Variants in DYM observed in about 807,000 individuals in gnomAD.
DYM encodes dymeclin.
Under a neutral mutation model 93.1 loss-of-function variants are expected in DYM, and 78 were observed. That is an observed-to-expected ratio of 0.84 (90% CI 0.70 to 1.01). The LOEUF (loss-of-function observed/expected upper bound fraction) is 1.01. DYM is among the 50% of genes least tolerant of loss of function. The pLI, the probability that DYM is intolerant of heterozygous loss-of-function variation, is 0.00. For synonymous variants in DYM, 321 were observed against 319.7 expected, an observed-to-expected ratio of 1.00 and a Z score of -0.04; for missense variants, 789 against 845.0, an observed-to-expected ratio of 0.93 and a Z score of 0.82.
At chr18:49,403,230 G>C (rs2071058073) in intron 2 of DYM, among the ~76,000 whole-genome samples, 1 of 152,164 alleles carries the variant, frequency 6.6e-6, no homozygotes, top group Non-Finnish European at 1.5e-5. Context: ...TAATTTTGAA[G>C]TGGTTATACG....
chr18:49,151,666 A>G (rs2085831316), intron 15 of DYM, among the ~76,000 whole-genome samples: 1 of 152,220 alleles, frequency 6.6e-6, no homozygotes, highest in Non-Finnish European at 1.5e-5. Context: ...TACAAGCTAC[A>G]TTATTTCCAG....
intron 8 of DYM, among the ~76,000 whole-genome samples, chr18:49,292,596 A>ACAAAAC (rs201393641): frequency 1.5e-4 from 1 of 6,698 alleles, no homozygotes; most frequent in African/African-American, 2.1e-4. Flanking sequence ...CTGTTGGAAA[A>ACAAAAC]AAAAAAAAAA....
intron 2 of DYM, among the ~76,000 whole-genome samples, chr18:49,415,927 C>CAAA (rs80304487): frequency 2.4e-5 from 2 of 84,528 alleles, no homozygotes; most frequent in African/African-American, 4.5e-5. Context: ...AACTCTGACT[C>CAAA]AAAAAAAAAA....
At chr18:49,155,342 T>TC (rs1291395798) in intron 15 of DYM, among the ~76,000 whole-genome samples, 1 of 152,130 alleles carries the variant, frequency 6.6e-6, no homozygotes, top group African/African-American at 2.4e-5. Context: ...GCTCTCTTTT[T>TC]CCCCCCGTGC....
chr18:49,390,504 A>G (rs2069105794), intron 3 of DYM, among the ~76,000 whole-genome samples: 1 of 147,016 alleles, frequency 6.8e-6, no homozygotes, highest in Non-Finnish European at 1.5e-5. Context: ...ATACAGCTCG[A>G]TTTTTTTTTT....
chr18:49,231,596 G>A (rs1020713771), intron 13 of DYM, among the ~76,000 whole-genome samples: 1 of 152,340 alleles, frequency 6.6e-6, no homozygotes, highest in Non-Finnish European at 1.5e-5. Flanking sequence ...ACTGTCCTAT[G>A]TGAAAGATAC....
chr18:49,198,181 G>T (rs1350560951), intron 14 of DYM, among the ~76,000 whole-genome samples: 12 of 152,186 alleles, frequency 7.9e-5, no homozygotes, highest in African/African-American at 1.9e-4. Context: ...TAGCCATATG[G>T]AGAAAACTGA....
At chr18:49,324,507 A>G (rs1476764769) in intron 8 of DYM, among the ~76,000 whole-genome samples, 2 of 152,170 alleles carry the variant, frequency 1.3e-5, no homozygotes, top group Admixed American at 6.5e-5. Flanking sequence ...TAACAATCAA[A>G]TTTTCCTTTT....
chr18:49,380,450 G>A (rs1006668197), intron 3 of DYM, among the ~76,000 whole-genome samples: 1 of 152,144 alleles, frequency 6.6e-6, no homozygotes, highest in African/African-American at 2.4e-5. Flanking sequence ...GAACAACATA[G>A]AGTAGGTGCT....
intron 11 of DYM, among the ~76,000 whole-genome samples, chr18:49,264,696 C>T (rs754924827): frequency 6.6e-6 from 1 of 152,128 alleles, no homozygotes; most frequent in African/African-American, 2.4e-5. Context: ...AGCACATCTA[C>T]ATCTGACAAG....
At chr18:49,419,026 A>T (rs1226293592) in intron 2 of DYM, among the ~76,000 whole-genome samples, 5 of 152,202 alleles carry the variant, frequency 3.3e-5, no homozygotes, top group Admixed American at 3.3e-4. Flanking sequence ...ACTTTCTAAG[A>T]TCCCTTTATA....
At chr18:49,350,391 T>C (rs1483803638) in intron 6 of DYM, among the ~76,000 whole-genome samples, 1 of 152,180 alleles carries the variant, frequency 6.6e-6, no homozygotes, top group South Asian at 2.1e-4. Context: ...GAATAGTCTG[T>C]CTGGCTGGTA....
intron 14 of DYM, among the ~76,000 whole-genome samples, chr18:49,195,599 C>T (rs942182591): frequency 6.6e-6 from 1 of 152,152 alleles, no homozygotes; most frequent in African/African-American, 2.4e-5. Flanking sequence ...CTGCTTCTAC[C>T]CAGAATTGAA....
At chr18:49,090,695 T>C (rs1014016058) in intron 17 of DYM, among the ~76,000 whole-genome samples, 3 of 152,120 alleles carry the variant, frequency 2.0e-5, no homozygotes, top group Non-Finnish European at 2.9e-5. Context: ...CCCTCCATGC[T>C]CTTCACCCTC....
At chr18:49,307,696 CTTT>C (rs1305255412) in intron 8 of DYM, among the ~76,000 whole-genome samples, 1 of 152,188 alleles carries the variant, frequency 6.6e-6, no homozygotes, top group Non-Finnish European at 1.5e-5. Flanking sequence ...CATGTCCTTT[CTTT>C]AACTTAGATC....
chr18:49,073,143 G>C (rs1232449814), intron 17 of DYM, among the ~76,000 whole-genome samples: 1 of 152,158 alleles, frequency 6.6e-6, no homozygotes, highest in Admixed American at 6.5e-5. Context: ...GTGCCTCAAA[G>C]TATTGAAACA....
At chr18:49,257,216 G>T in intron 12 of DYM, 112 bp from the exon 13 acceptor site, 1 of 830,248 alleles carries the variant, frequency 1.2e-6, no homozygotes, top group Non-Finnish European at 2.0e-6. Context: ...ATTTTAGAAA[G>T]TTCAGATCCA....
intron 14 of DYM, chr18:49,208,707 A>G (rs2092641837): frequency 1.3e-5 from 2 of 152,158 alleles, no homozygotes; most frequent in Admixed American, 6.6e-5. Context: ...TAAGGTTGTC[A>G]TGGAGTTTTC....
intron 14 of DYM, among the ~76,000 whole-genome samples, chr18:49,170,351 A>C (rs2088511097): frequency 6.6e-6 from 1 of 152,222 alleles, no homozygotes; most frequent in Admixed American, 6.5e-5. Context: ...GGAGATGGTC[A>C]GAAAGAAGCA....
Sources: allele counts gnomAD v4.1 joint callset (sites outside exome capture counted in the v4.1 genomes callset), GRCh38; gene constraint gnomAD v4.1.1; transcripts MANE v1.5; gene names NCBI Gene and HGNC (gene_info 2026-07-23, HGNC 2026-07-21).